EXOC4: variants seen among roughly 807,000 people sequenced by gnomAD.
EXOC4 encodes the protein exocyst complex component 4.
EXOC4 carries 71 observed loss-of-function variants against 107.2 expected under a neutral mutation model. The observed-to-expected ratio is 0.66, with a 90% CI of 0.55 to 0.81. The LOEUF (loss-of-function observed/expected upper bound fraction) is 0.81. Among genes scored for constraint, EXOC4 ranks in the 30% least tolerant of loss-of-function variants. EXOC4 has a pLI of 0.00. For missense variants in EXOC4, 1,108 were observed against 1,189.6 expected, an observed-to-expected ratio of 0.93 and a Z score of 1.01; for synonymous variants, 456 against 441.2, an observed-to-expected ratio of 1.03 and a Z score of -0.42.
intron 11 of EXOC4, among the ~76,000 whole-genome samples, chr7:133,840,960 G>T (rs189854803): frequency 6.6e-6 from 1 of 152,184 alleles, no homozygotes; most frequent in Non-Finnish European, 1.5e-5. Flanking sequence ...GGAAGAATGG[G>T]TATTGTCATA....
At chr7:133,610,297 T>C (rs753013358) in intron 9 of EXOC4, among the ~76,000 whole-genome samples, 4 of 152,226 alleles carry the variant, frequency 2.6e-5, no homozygotes, top group Non-Finnish European at 4.4e-5. Flanking sequence ...ATCAATGCTT[T>C]AAATCTCCTT....
At chr7:133,493,947 TAC>T (rs777516638) in intron 9 of EXOC4, among the ~76,000 whole-genome samples, 70 of 152,294 alleles carry the variant, frequency 4.6e-4, no homozygotes, top group Admixed American at 8.5e-4. Context: ...TAAATTTTAC[TAC>T]ACAAATAATT....
intron 10 of EXOC4, among the ~76,000 whole-genome samples, chr7:133,721,860 G>T (rs1175527363): frequency 1.3e-5 from 2 of 152,150 alleles, no homozygotes; most frequent in Admixed American, 6.5e-5. Flanking sequence ...TACTATTTTT[G>T]TGGGGAGTAA....
chr7:133,692,289 A>G (rs190442460), intron 10 of EXOC4, among the ~76,000 whole-genome samples: 2 of 152,254 alleles, frequency 1.3e-5, no homozygotes, highest in Non-Finnish European at 2.9e-5. Flanking sequence ...CAAAATATAC[A>G]CATTATTAGT....
chr7:133,404,963 G>A (rs74907887), intron 7 of EXOC4, among the ~76,000 whole-genome samples: 4,353 of 148,674 alleles, frequency 0.029, 219 homozygotes, highest in African/African-American at 0.1. Context: ...AGTCCTAGCT[G>A]CTTGGGTTGC....
At chr7:133,592,847 C>T (rs975183544) in intron 9 of EXOC4, among the ~76,000 whole-genome samples, 14 of 152,134 alleles carry the variant, frequency 9.2e-5, no homozygotes, top group African/African-American at 2.9e-4. Flanking sequence ...ATGATCCACC[C>T]GCTTTGGCCT....
At chr7:133,567,648 T>C (rs1420297689) in intron 9 of EXOC4, among the ~76,000 whole-genome samples, 1 of 152,270 alleles carries the variant, frequency 6.6e-6, no homozygotes, top group East Asian at 1.9e-4. Context: ...ATAGACTGGA[T>C]AATTTATAAA....
At chr7:133,941,508 C>T (rs1282707784) in intron 14 of EXOC4, among the ~76,000 whole-genome samples, 1 of 152,012 alleles carries the variant, frequency 6.6e-6, no homozygotes, top group African/African-American at 2.4e-5. Flanking sequence ...TTAGTGTTTG[C>T]CTAAATGTTT....
chr7:133,492,286 T>G (rs1176232405), intron 9 of EXOC4, among the ~76,000 whole-genome samples: 2 of 152,186 alleles, frequency 1.3e-5, no homozygotes, highest in Non-Finnish European at 2.9e-5. Context: ...TGACTCATTC[T>G]GTGTGGTGTT....
At chr7:133,839,267 C>T (rs1797979019) in intron 11 of EXOC4, among the ~76,000 whole-genome samples, 1 of 152,124 alleles carries the variant, frequency 6.6e-6, no homozygotes, top group African/African-American at 2.4e-5. Flanking sequence ...CTTTTTCCTG[C>T]ATATGTGCAT....
intron 10 of EXOC4, among the ~76,000 whole-genome samples, chr7:133,749,417 G>C (rs1371617146): frequency 6.6e-6 from 1 of 151,996 alleles, no homozygotes; most frequent in Non-Finnish European, 1.5e-5. Context: ...TTTTGAGCCA[G>C]AGTCTCACTC....
chr7:133,920,449 C>G lies in EXOC4; in HGVS notation c.2027+2711C>G, dbSNP rs562622859. Among the ~76,000 whole-genome samples, 6 of 152,142 alleles carry G rather than the reference C, an allele frequency of 3.9e-5. 1 individual carries two copies. The South Asian group carries it at 1.2e-3, about 32-fold the overall frequency. Reference sequence around the variant, plus strand: ...TTTGTATGGTTCCATTTTTTCTTGTCTTTTACCATATTAGTTATACTTCTT... The same window carrying G: ...TTTGTATGGTTCCATTTTTTCTTGTGTTTTACCATATTAGTTATACTTCTT... On this transcript the variant is annotated intron_variant, in intron 13 of 17. Coordinates refer to ENST00000253861, the MANE Select transcript of EXOC4 (RefSeq NM_021807.4).
At chr7:133,777,780 C>T (rs1796377429) in intron 10 of EXOC4, among the ~76,000 whole-genome samples, 1 of 152,128 alleles carries the variant, frequency 6.6e-6, no homozygotes, top group South Asian at 2.1e-4. Flanking sequence ...TGATCAGTAC[C>T]ACCTTTTATA....
At chr7:133,558,983 A>G (rs1026819916) in intron 9 of EXOC4, among the ~76,000 whole-genome samples, 1 of 152,204 alleles carries the variant, frequency 6.6e-6, no homozygotes, top group Admixed American at 6.5e-5. Flanking sequence ...TCTTGATAAT[A>G]TATGGGGGCT....
intron 5 of EXOC4, among the ~76,000 whole-genome samples, chr7:133,355,999 T>C (rs2150657028): frequency 6.6e-6 from 1 of 152,270 alleles, no homozygotes; most frequent in Admixed American, 6.5e-5. Context: ...GCGCCACATA[T>C]GGCATTTTAT....
intron 4 of EXOC4, among the ~76,000 whole-genome samples, chr7:133,309,937 C>T (rs1243523375): frequency 6.6e-6 from 1 of 152,080 alleles, no homozygotes; most frequent in Non-Finnish European, 1.5e-5. Flanking sequence ...AAGACTCCAT[C>T]TCAAAAAACA....
chr7:133,491,561 G>C (rs896302029), intron 9 of EXOC4, among the ~76,000 whole-genome samples: 6 of 152,184 alleles, frequency 3.9e-5, no homozygotes, highest in Non-Finnish European at 7.3e-5. Flanking sequence ...ATGCTGGTTA[G>C]TTCTTAGGGC....
At chr7:133,344,816 C>T in intron 5 of EXOC4, among the ~76,000 whole-genome samples, 1 of 152,192 alleles carries the variant, frequency 6.6e-6, no homozygotes, top group Non-Finnish European at 1.5e-5. Flanking sequence ...TAATTCCCTT[C>T]TCTCTTTGTT....
At chr7:133,558,460 T>C (rs1171635599) in intron 9 of EXOC4, among the ~76,000 whole-genome samples, 1 of 152,046 alleles carries the variant, frequency 6.6e-6, no homozygotes, top group Non-Finnish European at 1.5e-5. Flanking sequence ...AATGCACAAA[T>C]AATAGTTTAA....
Sources: gnomAD v4.1 joint callset for allele counts (sites outside exome capture counted in the v4.1 genomes callset) on GRCh38, gnomAD v4.1.1 for gene constraint, MANE v1.5 for transcripts, NCBI Gene and HGNC (gene_info 2026-07-23, HGNC 2026-07-21) for gene names.